Variants in GALNT2 observed in about 807,000 individuals in gnomAD.
GALNT2 encodes the protein polypeptide N-acetylgalactosaminyltransferase 2, also known as UDP-GalNAc:polypeptide N-acetylgalactosaminyltransferase 2.
Under a neutral mutation model 81.4 loss-of-function variants are expected in GALNT2, and 31 were observed. That is an observed-to-expected ratio of 0.38 (90% CI 0.29 to 0.51). GALNT2 has a LOEUF of 0.51. Ranked by LOEUF, GALNT2 falls within the 20% of genes least tolerant of loss-of-function variation. The probability of loss-of-function intolerance (pLI) is 0.87; values close to 1 mark genes in which losing one functional copy is unlikely to be tolerated. For synonymous variants in GALNT2, 303 were observed against 287.4 expected, an observed-to-expected ratio of 1.05 and a Z score of -0.55; for missense variants, 629 against 765.7, an observed-to-expected ratio of 0.82 and a Z score of 2.11.
intron 1 of GALNT2, among the ~76,000 whole-genome samples, chr1:230,131,036 G>T (rs1661350668): frequency 6.6e-6 from 1 of 152,062 alleles, no homozygotes; most frequent in African/African-American, 2.4e-5. Flanking sequence ...AAAAAACTAG[G>T]CATCTCGCTA....
intron 1 of GALNT2, chr1:230,092,039 T>C (rs1429940596): frequency 6.6e-6 from 1 of 152,238 alleles, no homozygotes; most frequent in Non-Finnish European, 1.5e-5. Flanking sequence ...AAAAAGCTTA[T>C]GTAGTTTCTG....
intron 1 of GALNT2, among the ~76,000 whole-genome samples, chr1:230,158,936 C>T (rs1259846817): frequency 6.6e-6 from 1 of 152,166 alleles, no homozygotes; most frequent in African/African-American, 2.4e-5. Context: ...GTGCCCCAGC[C>T]CCCATGCCGC....
intron 1 of GALNT2, among the ~76,000 whole-genome samples, chr1:230,144,050 C>T (rs1333726349): frequency 2.0e-5 from 3 of 152,220 alleles, no homozygotes; most frequent in Non-Finnish European, 4.4e-5. Context: ...CTTACAAAAG[C>T]AGCACCTGCG....
chr1:230,167,486 G>T (rs773581823), intron 1 of GALNT2, among the ~76,000 whole-genome samples: 1 of 152,210 alleles, frequency 6.6e-6, no homozygotes, highest in Non-Finnish European at 1.5e-5. Flanking sequence ...AGCAGGCCTA[G>T]GAAGGAACCA....
intron 1 of GALNT2, among the ~76,000 whole-genome samples, chr1:230,152,372 C>T (rs1175426627): frequency 6.6e-6 from 1 of 152,072 alleles, no homozygotes; most frequent in East Asian, 1.9e-4. Flanking sequence ...AAGATGAGGG[C>T]AAGGTTTTTC....
At position 230,203,139 on chromosome 1, in the gene GALNT2, A is replaced by G; in HGVS notation, c.223A>G (p.Lys75Glu). Residue 75 changes from lysine (K) to glutamate (E), a missense_variant and splice_region_variant, in exon 3 of 16, where the codon AAA becomes GAA. Coordinates refer to ENST00000366672, the MANE Select transcript of GALNT2 (RefSeq NM_004481.5). ...ACCCTCTGCTCTGCTCTTTTTAGGG[A>G]AAGTACGGTGGCCAGACTTTAACCA... ...AQSMETLPPG[K>E]VRWPDFNQEA... 6.2e-7 allele frequency: 1 copy of G among 1,613,410 alleles called. No homozygotes were observed. The highest frequency in any genetic ancestry group is 1.1e-5 in the South Asian group (1 of 91,048).
At chr1:230,141,144 T>C (rs891482256) in intron 1 of GALNT2, among the ~76,000 whole-genome samples, 4 of 152,200 alleles carry the variant, frequency 2.6e-5, no homozygotes, top group African/African-American at 9.7e-5. Flanking sequence ...AGGAGATTAG[T>C]AGGAACTGAT....
chr1:230,136,468 C>G (rs1377339685), intron 1 of GALNT2, among the ~76,000 whole-genome samples: 1 of 152,172 alleles, frequency 6.6e-6, no homozygotes, highest in African/African-American at 2.4e-5. Flanking sequence ...TTCGTGAGGC[C>G]TGTCTGCCGC....
intron 1 of GALNT2, among the ~76,000 whole-genome samples, chr1:230,098,898 C>T (rs1175279485): frequency 1.3e-5 from 2 of 152,154 alleles, no homozygotes; most frequent in Non-Finnish European, 2.9e-5. Context: ...CTGGGGAATT[C>T]ATTCCTATAT....
intron 2 of GALNT2, among the ~76,000 whole-genome samples, chr1:230,191,792 C>T (rs534681491): frequency 1.3e-5 from 2 of 152,118 alleles, no homozygotes; most frequent in Non-Finnish European, 2.9e-5. Flanking sequence ...GGATCATAGG[C>T]GTGAGCCACC....
chr1:230,137,711 G>C (rs1183393145), intron 1 of GALNT2, among the ~76,000 whole-genome samples: 3 of 152,208 alleles, frequency 2.0e-5, no homozygotes, highest in East Asian at 1.9e-4. Context: ...GACGAGTCCA[G>C]CTCTAGATTG....
In GALNT2 at chr1:230,236,047, G is replaced by A. The variant is rs142508727; in HGVS notation, c.408G>A (p.Pro136=). Residue 136 remains proline, a synonymous_variant, in exon 4 of 16, where the codon CCG becomes CCA. Coordinates refer to ENST00000366672, the MANE Select transcript of GALNT2 (RefSeq NM_004481.5). ...GGAAGCAGTGGCGGGTGGATCTGCC[G>A]GCCACCAGCGTGGTGATCACGTTTC... ...CQRKQWRVDL[P]ATSVVITFHN... is the part of the protein sequence containing the mutation. 4.3e-5 allele frequency: 70 copies of A among 1,613,478 alleles called. No homozygotes were observed. The highest frequency in any genetic ancestry group is 4.0e-4 in the African/African-American group (30 of 74,898).
intron 1 of GALNT2, among the ~76,000 whole-genome samples, chr1:230,077,023 G>A (rs143268433): frequency 3.9e-5 from 6 of 152,304 alleles, no homozygotes; most frequent in African/African-American, 1.4e-4. Context: ...AGCTTGAGGA[G>A]CCGGTGCAAA....
At chr1:230,231,672 C>G (rs1664870133) in intron 3 of GALNT2, among the ~76,000 whole-genome samples, 1 of 152,188 alleles carries the variant, frequency 6.6e-6, no homozygotes, top group African/African-American at 2.4e-5. Context: ...ACCAAGAGTT[C>G]AGGTACTGAA....
intron 1 of GALNT2, among the ~76,000 whole-genome samples, chr1:230,145,684 C>T (rs576307149): frequency 6.6e-6 from 1 of 152,346 alleles, no homozygotes; most frequent in East Asian, 1.9e-4. Flanking sequence ...GGGCCTTGCC[C>T]CGTGTGGTGC....
intron 1 of GALNT2, among the ~76,000 whole-genome samples, chr1:230,107,523 T>C (rs764785796): frequency 3.3e-5 from 5 of 151,792 alleles, no homozygotes; most frequent in Non-Finnish European, 7.4e-5. Flanking sequence ...GAGGCTGCAG[T>C]GAGCTATGAT....
At chr1:230,241,043 A>G (rs538042571) in intron 6 of GALNT2, among the ~76,000 whole-genome samples, 1 of 152,306 alleles carries the variant, frequency 6.6e-6, no homozygotes, top group African/African-American at 2.4e-5. Flanking sequence ...GTTCTGGAAT[A>G]CCCATTTGAT....
chr1:230,162,534 CT>C (rs1662467195), intron 1 of GALNT2, among the ~76,000 whole-genome samples: 2 of 152,186 alleles, frequency 1.3e-5, no homozygotes, highest in African/African-American at 4.8e-5. Flanking sequence ...CCCTTAGAAG[CT>C]AGATTCCCTC....
At chr1:230,247,864 A>G (rs1348812780) in intron 8 of GALNT2, among the ~76,000 whole-genome samples, 1 of 152,208 alleles carries the variant, frequency 6.6e-6, no homozygotes, top group Non-Finnish European at 1.5e-5. Flanking sequence ...AAAATAAATA[A>G]TAAGATAATA....
Sources: allele counts gnomAD v4.1 joint callset (sites outside exome capture counted in the v4.1 genomes callset), GRCh38; gene constraint gnomAD v4.1.1; transcripts MANE v1.5; gene names NCBI Gene and HGNC (gene_info 2026-07-23, HGNC 2026-07-21).